Variants in CNTN1 observed in about 807,000 individuals in gnomAD.
CNTN1 encodes the protein contactin 1.
A neutral mutation model predicts 126.4 loss-of-function variants in CNTN1; 38 were observed. That is an observed-to-expected ratio of 0.30 (90% CI 0.23 to 0.39). CNTN1 has a LOEUF of 0.39. CNTN1 is among the 10% of genes least tolerant of loss of function. The pLI, the probability that CNTN1 is intolerant of heterozygous loss-of-function variation, is 1.00. For missense variants in CNTN1, 1,009 were observed against 1,248.4 expected (o/e 0.81, Z 2.89); for synonymous variants, 413 against 422.6 (o/e 0.98, Z 0.28).
chr12:40,743,820 G>C (rs1938051100), intron 1 of CNTN1, among the ~76,000 whole-genome samples: 1 of 151,854 alleles, frequency 6.6e-6, no homozygotes, highest in African/African-American at 2.4e-5. Flanking sequence ...TTTTGCTTTG[G>C]TTGCAATTGC....
chr12:40,793,551 A>C (rs902764675), intron 1 of CNTN1, among the ~76,000 whole-genome samples: 1 of 151,956 alleles, frequency 6.6e-6, no homozygotes, highest in Non-Finnish European at 1.5e-5. Flanking sequence ...TTTTAAACTT[A>C]TAAGAAAAAC....
At chr12:41,002,564 T>G (rs1337041881) in intron 17 of CNTN1, among the ~76,000 whole-genome samples, 9 of 148,946 alleles carry the variant, frequency 6.0e-5, no homozygotes, top group Admixed American at 6.0e-4. Flanking sequence ...CTTTCTTTTT[T>G]TTTTTTTTTT....
rs190075918 is a variant in CNTN1, at chr12:40,731,204, A to G, written c.-77+38612A>G. ...AATCCTTGGCAAGACATATAGGAAA[A>G]CAAAGGAGAAAAGAAATGTATAATG... is the stretch of plus-strand genomic sequence containing the variant. On this transcript the variant is annotated intron_variant, in intron 1 of 23. Transcript: ENST00000551295. 1.6e-3 allele frequency among the ~76,000 whole-genome samples: 247 copies of G among 152,184 alleles called. 1 individual carries two copies. Among genetic ancestry groups the G allele is most frequent in the Admixed American group, 7.0e-3 (107 of 15,270 alleles).
intron 14 of CNTN1, among the ~76,000 whole-genome samples, chr12:40,956,624 A>C (rs1180307575): frequency 6.6e-6 from 1 of 152,018 alleles, no homozygotes; most frequent in African/African-American, 2.4e-5. Context: ...GTGGTCCTAA[A>C]AAGAGAATGT....
chr12:40,709,959 G>C (rs371359617), intron 1 of CNTN1, among the ~76,000 whole-genome samples: 1 of 152,066 alleles, frequency 6.6e-6, no homozygotes, highest in Non-Finnish European at 1.5e-5. Context: ...ATTTTTTCAA[G>C]AATTTTTCCT....
At chr12:40,813,095 CTCTT>C (rs1480256529) in intron 1 of CNTN1, among the ~76,000 whole-genome samples, 1 of 123,850 alleles carries the variant, frequency 8.1e-6, no homozygotes, top group Non-Finnish European at 1.7e-5. Context: ...TCCTTTCTTT[CTCTT>C]TCTTTTTTTC....
intron 14 of CNTN1, among the ~76,000 whole-genome samples, chr12:40,949,453 G>A (rs1464022629): frequency 1.6e-5 from 2 of 122,390 alleles, no homozygotes; most frequent in African/African-American, 3.2e-5. Context: ...AGTCCCCAGA[G>A]TGTGATATTC....
intron 1 of CNTN1, among the ~76,000 whole-genome samples, chr12:40,779,638 C>T (rs1478515789): frequency 6.6e-6 from 1 of 151,820 alleles, no homozygotes; most frequent in African/African-American, 2.4e-5. Context: ...AGAGTTAAGC[C>T]ATGAAAGTGA....
intron 1 of CNTN1, among the ~76,000 whole-genome samples, chr12:40,813,237 A>T (rs1941150445): frequency 6.6e-6 from 1 of 150,852 alleles, no homozygotes; most frequent in South Asian, 2.1e-4. Context: ...AAAAAGAAAA[A>T]AAAAAAACAG....
chr12:40,906,133 TG>T (rs1944802698), intron 1 of CNTN1, among the ~76,000 whole-genome samples: 1 of 151,806 alleles, frequency 6.6e-6, no homozygotes, highest in Admixed American at 6.6e-5. Context: ...TAGCCGGGCG[TG>T]GTGGTGGGTG....
intron 19 of CNTN1, among the ~76,000 whole-genome samples, chr12:41,017,939 A>C (rs568752008): frequency 5.2e-4 from 79 of 152,106 alleles, no homozygotes; most frequent in African/African-American, 1.8e-3. Flanking sequence ...TAAAACTACA[A>C]AATGAGCCAG....
intron 23 of CNTN1, among the ~76,000 whole-genome samples, chr12:41,047,130 C>G (rs922272818): frequency 1.3e-5 from 2 of 152,014 alleles, no homozygotes; most frequent in African/African-American, 4.8e-5. Flanking sequence ...CAACATTCAC[C>G]CTCTCACCAG....
chr12:41,027,057 G>A (rs376392097), intron 21 of CNTN1, among the ~76,000 whole-genome samples: 10 of 151,924 alleles, frequency 6.6e-5, no homozygotes, highest in Non-Finnish European at 1.0e-4. Flanking sequence ...ATTTGCTGAC[G>A]ATGGCAAAGA....
In CNTN1 at chr12:41,016,933, CCTT is replaced by C. The variant is rs762577839; in HGVS notation, c.2419+21_2419+23del. ...CACAAGACGGTAGGTGAAAGAAAGA[CCTT>C]CTTACCTGAGGAGGGAGGAAAAACG... On this transcript the variant is annotated intron_variant, in intron 19 of 23. Transcript: ENST00000551295. 4.5e-5 allele frequency: 71 copies of C among 1,590,068 alleles called. No individual in the cohort carries two copies. In the South Asian group the frequency reaches 5.0e-4, roughly 11 times the overall value.
At chr12:40,722,549 A>G (rs1942243288) in intron 1 of CNTN1, among the ~76,000 whole-genome samples, 2 of 152,134 alleles carry the variant, frequency 1.3e-5, no homozygotes, top group Admixed American at 1.3e-4. Context: ...TCCACTCTCA[A>G]ACAGAGAGTC....
chr12:40,883,254 C>A (rs1943929684), intron 1 of CNTN1, among the ~76,000 whole-genome samples: 1 of 151,480 alleles, frequency 6.6e-6, no homozygotes, highest in African/African-American at 2.4e-5. Flanking sequence ...TATTCTTCAG[C>A]TATTTGTTGA....
At chr12:40,833,186 C>A (rs1323168316) in intron 1 of CNTN1, among the ~76,000 whole-genome samples, 1 of 152,174 alleles carries the variant, frequency 6.6e-6, no homozygotes, top group Non-Finnish European at 1.5e-5. Flanking sequence ...CCTCCACCTC[C>A]CAAGTTCAAG....
chr12:40,765,392 G>A (rs1389348051), intron 1 of CNTN1, among the ~76,000 whole-genome samples: 1 of 152,160 alleles, frequency 6.6e-6, no homozygotes, highest in Non-Finnish European at 1.5e-5. Flanking sequence ...GAAAGGATAG[G>A]AAGCTGATTC....
chr12:41,053,428 A>AAGATATATATATATAT (rs71434344), intron 23 of CNTN1, among the ~76,000 whole-genome samples: 1 of 64,116 alleles, frequency 1.6e-5, no homozygotes, highest in Non-Finnish European at 2.8e-5. Flanking sequence ...GTTTTCACTA[A>AAGATATATATATATAT]ATATATATAT....
Sources: gnomAD v4.1 joint callset for allele counts (sites outside exome capture counted in the v4.1 genomes callset) on GRCh38, gnomAD v4.1.1 for gene constraint, MANE v1.5 for transcripts, NCBI Gene and HGNC (gene_info 2026-07-23, HGNC 2026-07-21) for gene names.